The following MYO16 variants were observed in gnomAD, a reference collection of about 807,000 sequenced individuals.
MYO16 encodes myosin XVI.
Under a neutral mutation model 205.3 loss-of-function variants are expected in MYO16, and 94 were observed. That is an observed-to-expected ratio of 0.46 (90% CI 0.39 to 0.54). The LOEUF is 0.54. Among genes scored for constraint, MYO16 ranks in the 20% least tolerant of loss-of-function variants. The pLI is 0.00. For synonymous variants in MYO16, 988 were observed against 954.0 expected (o/e 1.04, Z -0.66); for missense variants, 2,315 against 2,387.5 (o/e 0.97, Z 0.63).
intron 25 of MYO16, chr13:109,054,240 T>G (rs995638959): frequency 1.1e-5 from 3 of 266,178 alleles, no homozygotes; most frequent in South Asian, 9.7e-5. Context: ...TATGATCTTT[T>G]TCTTTTCAGG....
chr13:108,669,224 G>T (rs1469293564), intron 2 of MYO16, among the ~76,000 whole-genome samples: 1 of 151,870 alleles, frequency 6.6e-6, no homozygotes, highest in African/African-American at 2.4e-5. Flanking sequence ...AATGAGGGAG[G>T]GTGCTTTCTT....
At chr13:108,645,125 G>C (rs1348172189) in intron 1 of MYO16, among the ~76,000 whole-genome samples, 4 of 152,076 alleles carry the variant, frequency 2.6e-5, no homozygotes, top group Non-Finnish European at 5.9e-5. Flanking sequence ...TCATGATGAG[G>C]GCTTACTTTG....
chr13:108,694,417 A>G (rs1252120174), intron 2 of MYO16, among the ~76,000 whole-genome samples: 2 of 152,204 alleles, frequency 1.3e-5, no homozygotes, highest in Non-Finnish European at 2.9e-5. Context: ...AGAAGGTTCC[A>G]ATTTCTTCAC....
intron 20 of MYO16, among the ~76,000 whole-genome samples, chr13:108,988,671 G>A (rs1884721216): frequency 6.6e-6 from 1 of 152,150 alleles, no homozygotes; most frequent in Non-Finnish European, 1.5e-5. Context: ...TTGTAAGGGA[G>A]GGAGGTAGGT....
At chr13:108,747,911 T>C (rs1885116787) in intron 4 of MYO16, among the ~76,000 whole-genome samples, 1 of 152,118 alleles carries the variant, frequency 6.6e-6, no homozygotes, top group African/African-American at 2.4e-5. Context: ...CCCACTATTA[T>C]AGACTTCATT....
At chr13:108,855,372 G>GGAATATCCAACTGTGAAGAAAGTT in intron 10 of MYO16, 71 bp from the exon 11 acceptor site, 2 of 825,256 alleles carry the variant, frequency 2.4e-6, no homozygotes, top group Non-Finnish European at 3.6e-6. Context: ...AATTGAAAGT[G>GGAATATCCAACTGTGAAGAAAGTT]GAACATCCAA....
intron 4 of MYO16, among the ~76,000 whole-genome samples, chr13:108,760,849 T>C (rs1885582496): frequency 6.6e-6 from 1 of 152,192 alleles, no homozygotes. Flanking sequence ...TAGCCACTAT[T>C]CTACTCTCTA....
At chr13:108,551,203 A>T in the MYO16 span, among the ~76,000 whole-genome samples, 1 of 152,148 alleles carries the variant, frequency 6.6e-6, no homozygotes, top group Non-Finnish European at 1.5e-5. Flanking sequence ...GCCGTTGGCT[A>T]CATCTTTCAA....
chr13:109,132,999 C>G (rs1876609693), intron 31 of MYO16, among the ~76,000 whole-genome samples: 1 of 152,190 alleles, frequency 6.6e-6, no homozygotes, highest in Non-Finnish European at 1.5e-5. Flanking sequence ...GGCATGCCAA[C>G]AGCATCGAGT....
At chr13:109,158,245 A>G (rs368379038) in intron 32 of MYO16, among the ~76,000 whole-genome samples, 2 of 152,098 alleles carry the variant, frequency 1.3e-5, no homozygotes, top group African/African-American at 2.4e-5. Context: ...CTTAACTCCC[A>G]TTATGCTCCC....
intron 16 of MYO16, among the ~76,000 whole-genome samples, chr13:108,921,417 A>T (rs1881740646): frequency 6.6e-6 from 1 of 152,286 alleles, no homozygotes; most frequent in South Asian, 2.1e-4. Flanking sequence ...CACATGATAC[A>T]TAAAATGCTC....
chr13:108,785,898 T>C (rs970188878), intron 5 of MYO16, among the ~76,000 whole-genome samples, 155 bp downstream of exon 5: 7 of 152,248 alleles, frequency 4.6e-5, no homozygotes, highest in African/African-American at 1.7e-4. Context: ...TTTCCATTGC[T>C]CTCACTGCAC....
intron 21 of MYO16, among the ~76,000 whole-genome samples, chr13:108,997,373 A>G (rs1204313322): frequency 3.8e-4 from 23 of 60,708 alleles, no homozygotes; most frequent in African/African-American, 9.4e-4. Flanking sequence ...AGAGAGAGAG[A>G]GAGAGAGAGA....
chr13:108,839,928 C>G (rs764572424), intron 9 of MYO16, among the ~76,000 whole-genome samples: 4 of 152,200 alleles, frequency 2.6e-5, no homozygotes, highest in Non-Finnish European at 5.9e-5. Context: ...GTTCTAGACA[C>G]ATAAAAACAG....
chr13:108,734,647 TA>T (rs1884630566), intron 4 of MYO16, among the ~76,000 whole-genome samples: 1 of 152,136 alleles, frequency 6.6e-6, no homozygotes, highest in East Asian at 1.9e-4. Flanking sequence ...GCCAAGAAAA[TA>T]GCCCAAGCAT....
intron 4 of MYO16, among the ~76,000 whole-genome samples, chr13:108,753,383 A>AAAAAAAAAAAAAAAAAAC (rs1885314493): frequency 6.8e-6 from 1 of 147,726 alleles, no homozygotes; most frequent in African/African-American, 2.7e-5. Flanking sequence ...AAAAAAAAAA[A>AAAAAAAAAAAAAAAAAAC]AAAAAAAAAA....
At chr13:108,554,248 A>G in the MYO16 span, among the ~76,000 whole-genome samples, 1 of 44,886 alleles carries the variant, frequency 2.2e-5, no homozygotes, top group East Asian at 1.0e-3. Context: ...TTAAAAAAAG[A>G]AAAAAAAAAA....
At chr13:108,749,265 C>T (rs551404636) in intron 4 of MYO16, among the ~76,000 whole-genome samples, 4 of 152,232 alleles carry the variant, frequency 2.6e-5, no homozygotes, top group African/African-American at 9.6e-5. Context: ...TGAATTTATT[C>T]CGCCTATCTG....
chr13:108,917,019 GGAATGTGAGATGCAGAAACTC>G (rs11268628), intron 16 of MYO16, among the ~76,000 whole-genome samples: 151,557 of 151,922 alleles, frequency 1, 75,597 homozygotes, highest in Middle Eastern at 1. Flanking sequence ...GTTTGCCCCA[GGAATGTGAGATGCAGAAACTC>G]GAATGTGAGA....
Sources: allele counts gnomAD v4.1 joint callset (sites outside exome capture counted in the v4.1 genomes callset), GRCh38; gene constraint gnomAD v4.1.1; transcripts MANE v1.5; gene names NCBI Gene and HGNC (gene_info 2026-07-23, HGNC 2026-07-21).